Variants in ARPP21 observed in about 807,000 individuals in gnomAD.
ARPP21 encodes cAMP-regulated phosphoprotein 21.
In ARPP21, 69 loss-of-function variants were observed where a neutral mutation model predicts 113.2. That is an observed-to-expected ratio of 0.61 (90% CI 0.50 to 0.74). The LOEUF (loss-of-function observed/expected upper bound fraction) is 0.74, where lower values mean the gene tolerates loss of function less well. Among genes scored for constraint, ARPP21 ranks in the 30% least tolerant of loss-of-function variants. ARPP21 has a pLI of 0.00. For missense variants in ARPP21, 1,070 were observed against 1,037.4 expected, an observed-to-expected ratio of 1.03 and a Z score of -0.43; for synonymous variants, 368 against 375.5, an observed-to-expected ratio of 0.98 and a Z score of 0.23.
chr3:35,683,876 T>C, intron 5 of ARPP21, 61 bp downstream of exon 5: 1 of 965,796 alleles, frequency 1.0e-6, no homozygotes, highest in Non-Finnish European at 1.7e-6. Flanking sequence ...TGTGCATGAC[T>C]CTTAATTTGG....
chr3:35,682,581 C>T (rs1395280422), intron 3 of ARPP21: 2 of 371,452 alleles, frequency 5.4e-6, no homozygotes, highest in Non-Finnish European at 9.6e-6. Flanking sequence ...GGCCAAAAAA[C>T]TTCAAAGCTG....
chr3:35,738,846 C>A (rs185037820), intron 17 of ARPP21, among the ~76,000 whole-genome samples: 1 of 152,302 alleles, frequency 6.6e-6, no homozygotes, highest in East Asian at 1.9e-4. Context: ...GTAATATAAT[C>A]CCACCCAGCC....
chr3:35,707,367 C>A (rs1262874594), intron 10 of ARPP21: 1 of 587,610 alleles, frequency 1.7e-6, no homozygotes, highest in Non-Finnish European at 3.2e-6. Flanking sequence ...CGGGATGCCA[C>A]AGGCTCCGAG....
intron 9 of ARPP21, among the ~76,000 whole-genome samples, chr3:35,699,015 G>A (rs1481201677): frequency 6.6e-6 from 1 of 151,616 alleles, no homozygotes; most frequent in Non-Finnish European, 1.5e-5. Flanking sequence ...AACAAAAGAA[G>A]TATAGCCTAT....
At chr3:35,713,409 TA>T (rs2091752670) in intron 11 of ARPP21, among the ~76,000 whole-genome samples, 1 of 152,080 alleles carries the variant, frequency 6.6e-6, no homozygotes, top group Admixed American at 6.6e-5. Context: ...ATTTTTTTTT[TA>T]TTTTTTTGAG....
At chr3:35,747,915 A>G (rs955261073) in intron 19 of ARPP21, among the ~76,000 whole-genome samples, 1 of 150,676 alleles carries the variant, frequency 6.6e-6, no homozygotes, top group African/African-American at 2.5e-5. Flanking sequence ...CTGTGAAAAA[A>G]GAAAAAGAAA....
chr3:35,749,651 C>T (rs1040601073), intron 19 of ARPP21, among the ~76,000 whole-genome samples: 3 of 151,902 alleles, frequency 2.0e-5, no homozygotes, highest in African/African-American at 7.2e-5. Context: ...CCAATAAATC[C>T]ATTTGACCCT....
intron 1 of ARPP21, among the ~76,000 whole-genome samples, chr3:35,679,153 G>T (rs764943068): frequency 3.3e-5 from 5 of 151,652 alleles, no homozygotes; most frequent in Admixed American, 6.6e-5. Context: ...GGGAGGGAGG[G>T]CTATGGATAG....
chr3:35,760,807 G>T (rs1429699130), intron 19 of ARPP21, among the ~76,000 whole-genome samples: 2 of 152,018 alleles, frequency 1.3e-5, no homozygotes, highest in Non-Finnish European at 2.9e-5. Flanking sequence ...TGTTTCTTGA[G>T]AGATGTCCCA....
At chr3:35,656,859 C>T (rs941540242) in intron 1 of ARPP21, among the ~76,000 whole-genome samples, 2 of 152,000 alleles carry the variant, frequency 1.3e-5, no homozygotes, top group African/African-American at 4.8e-5. Flanking sequence ...CATTTAGTTA[C>T]ATCAAGTAAC....
At chr3:35,786,464 G>A (rs2096635932) in intron 19 of ARPP21, among the ~76,000 whole-genome samples, 1 of 151,248 alleles carries the variant, frequency 6.6e-6, no homozygotes, top group African/African-American at 2.4e-5. Flanking sequence ...GGAGGCAGGG[G>A]TTGCAGTGAA....
chr3:35,736,260 A>G (rs2094342851), intron 15 of ARPP21, among the ~76,000 whole-genome samples: 2 of 152,196 alleles, frequency 1.3e-5, no homozygotes, highest in Admixed American at 6.5e-5. Context: ...TGCTTGCCAC[A>G]TAGAAAATCG....
intron 18 of ARPP21, 36 bp from the exon 19 acceptor site, chr3:35,743,803 T>C (rs773752124): frequency 6.2e-7 from 1 of 1,604,760 alleles, no homozygotes; most frequent in Non-Finnish European, 8.5e-7. Context: ...TTATCTACAT[T>C]TTCATTCTCT....
intron 9 of ARPP21, 82 bp from the exon 10 acceptor site, chr3:35,706,892 T>C: frequency 2.9e-6 from 3 of 1,029,448 alleles, no homozygotes; most frequent in Non-Finnish European, 4.4e-6. Context: ...TAAATGACAC[T>C]GTGGGGGAAG....
intron 1 of ARPP21, among the ~76,000 whole-genome samples, chr3:35,650,982 G>T (rs1263427171): frequency 2.6e-5 from 4 of 152,150 alleles, no homozygotes; most frequent in Non-Finnish European, 2.9e-5. Context: ...TGAATTTGTT[G>T]TGAGATTCCA....
At chr3:35,684,079 A>G (rs1225712480) in intron 5 of ARPP21, 7 of 1,586,848 alleles carry the variant, frequency 4.4e-6, no homozygotes, top group Non-Finnish European at 6.0e-6. Context: ...AAAGTTAAAT[A>G]AAAAGTAGGC....
chr3:35,744,013 C>T (rs1205308236), intron 19 of ARPP21, 48 bp downstream of exon 19: 1 of 1,607,724 alleles, frequency 6.2e-7, no homozygotes, highest in Non-Finnish European at 8.5e-7. Context: ...GTTATTTTTG[C>T]TGGTGAATCT....
intron 19 of ARPP21, among the ~76,000 whole-genome samples, chr3:35,751,700 A>G (rs1372747026): frequency 2.0e-5 from 3 of 152,128 alleles, no homozygotes; most frequent in African/African-American, 7.2e-5. Flanking sequence ...TAAATGAGGA[A>G]AGTGAGGCTA....
rs573907177 is a variant in ARPP21 at position 35,748,189 on chromosome 3, AAGAAAG to A, written c.2137+4228_2137+4233del. Among the ~76,000 whole-genome samples, 123 of 148,316 alleles carry A rather than the reference AAGAAAG, an allele frequency of 8.3e-4. 3 individuals are homozygous for A. The highest frequency in any genetic ancestry group is 3.0e-3 in the African/African-American group (120 of 40,190). On this transcript the variant is annotated intron_variant, in intron 19 of 20. Coordinates refer to ENST00000684406, the MANE Select transcript of ARPP21 (RefSeq NM_001385562.1). ...GAACAGAAAAGAAAAGAAAGAAAGA[AAGAAAG>A]AGAGAGAGAGGGAGGGAGGAAGGAA... is the stretch of plus-strand genomic sequence containing the variant.
Sources: gnomAD v4.1 joint callset for allele counts (sites outside exome capture counted in the v4.1 genomes callset) on GRCh38, gnomAD v4.1.1 for gene constraint, MANE v1.5 for transcripts, NCBI Gene and HGNC (gene_info 2026-07-23, HGNC 2026-07-21) for gene names.